ZNF536: variants seen among roughly 807,000 people sequenced by gnomAD.
ZNF536 encodes the protein zinc finger protein 536.
ZNF536 carries 13 observed loss-of-function variants against 84.5 expected under a neutral mutation model. The ratio of observed to expected loss-of-function variants is 0.15; its 90% CI spans 0.10 to 0.24. The LOEUF (loss-of-function observed/expected upper bound fraction) is 0.24. ZNF536 is among the 10% of genes least tolerant of loss of function. The probability of loss-of-function intolerance (pLI) is 1.00; values close to 1 mark genes in which losing one functional copy is unlikely to be tolerated. For synonymous variants in ZNF536, 811 were observed against 742.5 expected, an observed-to-expected ratio of 1.09 and a Z score of -1.50; for missense variants, 1,536 against 1,747.5, an observed-to-expected ratio of 0.88 and a Z score of 2.16.
At chr19:30,709,514 G>A (rs1477724688) in intron 1 of ZNF536, among the ~76,000 whole-genome samples, 1 of 152,220 alleles carries the variant, frequency 6.6e-6, no homozygotes, top group African/African-American at 2.4e-5. Flanking sequence ...GCTTTGCCCT[G>A]AGGCCTGAGT....
intron 2 of ZNF536, among the ~76,000 whole-genome samples, chr19:30,453,504 G>C (rs998991112): frequency 1.3e-5 from 2 of 152,226 alleles, no homozygotes; most frequent in African/African-American, 4.8e-5. Context: ...GTCAGTGACT[G>C]TTCCTTCCCT....
intron 2 of ZNF536, among the ~76,000 whole-genome samples, chr19:30,511,985 A>G (rs2055431339): frequency 6.6e-6 from 1 of 152,232 alleles, no homozygotes; most frequent in South Asian, 2.1e-4. Flanking sequence ...GATAATCCAT[A>G]CATTTACATT....
At chr19:30,576,607 T>C (rs904593209) in intron 1 of ZNF536, among the ~76,000 whole-genome samples, 15 of 152,310 alleles carry the variant, frequency 9.8e-5, no homozygotes, top group Middle Eastern at 3.4e-3. Context: ...GACAGCCAGG[T>C]TCTGTTCCTG....
intron 1 of ZNF536, among the ~76,000 whole-genome samples, chr19:30,434,854 T>A (rs2051640880): frequency 6.6e-6 from 1 of 151,562 alleles, no homozygotes; most frequent in Non-Finnish European, 1.5e-5. Flanking sequence ...ATGATGATGA[T>A]GGTGATAATG....
At chr19:30,286,860 C>T (rs974924548) in intron 2 of ZNF536, among the ~76,000 whole-genome samples, 4 of 152,174 alleles carry the variant, frequency 2.6e-5, no homozygotes, top group African/African-American at 9.7e-5. Flanking sequence ...ATAATTCTGC[C>T]ACATTGGAAT....
intron 2 of ZNF536, among the ~76,000 whole-genome samples, chr19:30,318,844 C>T (rs1349274049): frequency 2.0e-5 from 3 of 152,224 alleles, no homozygotes; most frequent in Non-Finnish European, 4.4e-5. Flanking sequence ...TTTCTTCACC[C>T]AGGGCCACTC....
chr19:30,559,487 G>A (rs936041668), downstream of ZNF536, among the ~76,000 whole-genome samples: 5 of 152,180 alleles, frequency 3.3e-5, no homozygotes, highest in African/African-American at 1.2e-4. Flanking sequence ...GGTGCACATC[G>A]AGGGAAAAAT....
intron 1 of ZNF536, among the ~76,000 whole-genome samples, chr19:30,570,608 T>C (rs557611857): frequency 6.6e-6 from 1 of 152,344 alleles, no homozygotes; most frequent in Non-Finnish European, 1.5e-5. Context: ...TAAGCAGATT[T>C]CAGCGCCACT....
At chr19:30,268,042 C>CGCCTCCCTCCCTTTCTCTCCCTCT (rs2025611936) in intron 1 of ZNF536, among the ~76,000 whole-genome samples, 2 of 118,408 alleles carry the variant, frequency 1.7e-5, no homozygotes, top group East Asian at 5.3e-4. Context: ...TTCCTCCCCC[C>CGCCTCCCTCCCTTTCTCTCCCTCT]GCCTCCCTCC....
intron 1 of ZNF536, among the ~76,000 whole-genome samples, chr19:30,392,270 C>G (rs1222160500): frequency 6.6e-6 from 1 of 152,112 alleles, no homozygotes; most frequent in Non-Finnish European, 1.5e-5. Flanking sequence ...CCACAGATCC[C>G]CTGGGGCGAG....
intron 1 of ZNF536, among the ~76,000 whole-genome samples, chr19:30,642,112 A>G (rs1474192319): frequency 6.6e-6 from 1 of 152,158 alleles, no homozygotes; most frequent in Non-Finnish European, 1.5e-5. Context: ...ACCGAATCCT[A>G]TTTTAGATGC....
intron 1 of ZNF536, among the ~76,000 whole-genome samples, chr19:30,423,340 CAGT>C (rs2051064478): frequency 6.6e-6 from 1 of 152,012 alleles, no homozygotes; most frequent in African/African-American, 2.4e-5. Flanking sequence ...TAAGAATATT[CAGT>C]ATTAAACAAT....
chr19:30,417,262 G>T (rs2050774767), intron 1 of ZNF536, among the ~76,000 whole-genome samples: 1 of 149,268 alleles, frequency 6.7e-6, no homozygotes, highest in South Asian at 2.1e-4. Context: ...CTCCCAAAGT[G>T]CTGGGATTAT....
chr19:30,247,916 G>T (rs1465314403), intron 1 of ZNF536, among the ~76,000 whole-genome samples: 1 of 152,152 alleles, frequency 6.6e-6, no homozygotes, highest in Non-Finnish European at 1.5e-5. Flanking sequence ...GTCTCAATTA[G>T]TGACATTTAA....
rs1348641609 is a variant in ZNF536, at chr19:30,516,593, T to C, written c.2171-18254T>C. Among the ~76,000 whole-genome samples the C allele has an allele frequency of 2.0e-5, 3 of 152,220 alleles. No homozygotes were observed. In the East Asian group the frequency reaches 5.8e-4, roughly 29 times the overall value. On this transcript the variant is annotated intron_variant, in intron 2 of 4. Transcript: ENST00000355537. ...CACCACGGAAAGGTCAACCCACATG[T>C]GTTCATTGAGTGACTCTGTGGGCCA...
At chr19:30,663,201 T>C (rs1362702862) in intron 1 of ZNF536, among the ~76,000 whole-genome samples, 1 of 152,130 alleles carries the variant, frequency 6.6e-6, no homozygotes, top group Non-Finnish European at 1.5e-5. Context: ...TAGCACATGG[T>C]AGTGTCATTT....
chr19:30,383,802 CTCTT>C (rs1191835761), intron 1 of ZNF536, among the ~76,000 whole-genome samples: 19 of 131,830 alleles, frequency 1.4e-4, no homozygotes, highest in African/African-American at 5.5e-4. Flanking sequence ...TCTTTCTTTT[CTCTT>C]TCTTTCTCTC....
intron 1 of ZNF536, among the ~76,000 whole-genome samples, chr19:30,701,502 C>T (rs2051975531): frequency 6.7e-6 from 1 of 149,412 alleles, no homozygotes; most frequent in African/African-American, 2.5e-5. Context: ...CACACAGACA[C>T]AAAAACTCAC....
chr19:30,452,280 G>A (rs369219083), intron 2 of ZNF536, among the ~76,000 whole-genome samples: 2 of 152,206 alleles, frequency 1.3e-5, no homozygotes, highest in Non-Finnish European at 2.9e-5. Context: ...CCTTCTGGCC[G>A]CCCAGATCCC....
Sources: gnomAD v4.1 joint callset for allele counts (sites outside exome capture counted in the v4.1 genomes callset) on GRCh38, gnomAD v4.1.1 for gene constraint, MANE v1.5 for transcripts, NCBI Gene and HGNC (gene_info 2026-07-23, HGNC 2026-07-21) for gene names.